SLCO6A1: variants seen among roughly 807,000 people sequenced by gnomAD.
SLCO6A1 encodes the protein solute carrier organic anion transporter family member 6A1.
In SLCO6A1, 65 loss-of-function variants were observed where a neutral mutation model predicts 72.7. That is an observed-to-expected ratio of 0.89 (90% CI 0.73 to 1.10). The LOEUF is 1.10. SLCO6A1 is among the 50% of genes least tolerant of loss of function. The pLI is 0.00. For synonymous variants in SLCO6A1, 314 were observed against 298.2 expected (o/e 1.05, Z -0.55); for missense variants, 874 against 872.6 (o/e 1.00, Z -0.02).
At chr5:102,470,332 T>C (rs1302765257) in intron 4 of SLCO6A1, among the ~76,000 whole-genome samples, 1 of 152,188 alleles carries the variant, frequency 6.6e-6, no homozygotes. Context: ...TGCCTCGATT[T>C]CAGAACCTGT....
At chr5:102,478,598 T>C (rs1441384377) in intron 2 of SLCO6A1, among the ~76,000 whole-genome samples, 1 of 152,192 alleles carries the variant, frequency 6.6e-6, no homozygotes, top group East Asian at 1.9e-4. Context: ...TTTAATATCT[T>C]CCAGGTCACA....
At chr5:102,433,076 G>A (rs1749306228) in intron 7 of SLCO6A1, among the ~76,000 whole-genome samples, 1 of 152,052 alleles carries the variant, frequency 6.6e-6, no homozygotes. Context: ...GTTAATACTT[G>A]TGATTGCATT....
intron 1 of SLCO6A1, among the ~76,000 whole-genome samples, chr5:102,488,003 T>C (rs1752516973): frequency 6.6e-6 from 1 of 152,070 alleles, no homozygotes; most frequent in African/African-American, 2.4e-5. Context: ...ATAATAATAC[T>C]TAGCAAAAAG....
intron 1 of SLCO6A1, among the ~76,000 whole-genome samples, chr5:102,490,385 A>G (rs541390977): frequency 3.3e-5 from 5 of 152,368 alleles, no homozygotes; most frequent in African/African-American, 1.2e-4. Flanking sequence ...ATTATATGTC[A>G]ATTAAAAAAT....
rs150817361 is a variant in SLCO6A1, at chr5:102,453,664, T to C, written c.1131+4718A>G. Among the ~76,000 whole-genome samples the C allele has an allele frequency of 2.1e-3, 318 of 152,326 alleles. 3 individuals are homozygous for C. The highest frequency in any genetic ancestry group is 7.3e-3 in the African/African-American group (302 of 41,580). On this transcript the variant is annotated intron_variant, in intron 6 of 13. Transcript: ENST00000506729. The stretch of plus-strand genomic sequence containing the variant: ...TTTTCAGGACTAATTAAATAAATTC[T>C]ATCTTCCTAGGAGTATGCAGCCACT...
chr5:102,457,468 A>G (rs1750789346), intron 6 of SLCO6A1, among the ~76,000 whole-genome samples: 1 of 152,186 alleles, frequency 6.6e-6, no homozygotes, highest in Admixed American at 6.5e-5. Flanking sequence ...TCTCAAAAAA[A>G]GATATTTATG....
chr5:102,443,440 T>C (rs1173766781), intron 6 of SLCO6A1, among the ~76,000 whole-genome samples: 1 of 152,146 alleles, frequency 6.6e-6, no homozygotes, highest in Non-Finnish European at 1.5e-5. Context: ...TATTCATACT[T>C]TCCCCCAAAA....
chr5:102,466,896 C>A (rs767023025), intron 4 of SLCO6A1, among the ~76,000 whole-genome samples: 2 of 150,836 alleles, frequency 1.3e-5, no homozygotes, highest in South Asian at 2.2e-4. Flanking sequence ...AATTTATATT[C>A]CTTATAGATG....
At chr5:102,461,533 T>G (rs1751037899) in intron 4 of SLCO6A1, among the ~76,000 whole-genome samples, 1 of 152,140 alleles carries the variant, frequency 6.6e-6, no homozygotes, top group Non-Finnish European at 1.5e-5. Context: ...AAAGCTTTAG[T>G]AACTAAAATA....
At position 102,459,698 on chromosome 5, in the gene SLCO6A1, A is replaced by C. The variant is rs761606130; in HGVS notation, c.979T>G (p.Cys327Gly). The change falls in exon 5 of 14, where the codon TGT becomes GGT. Residue 327 changes from cysteine to glycine, a missense_variant. Coordinates refer to ENST00000506729, the MANE Select transcript of SLCO6A1 (RefSeq NM_173488.5). ...NFLFAAVVAW[C>G]TLIPLSCFPN... ...AAGCATGACAATGGTATTAATGTAC[A>C]CCATGCAACGACAGCGGCAAAAAGA... The C allele has an allele frequency of 2.5e-6, 4 of 1,610,424 alleles. No individual in the cohort carries two copies. The East Asian group carries it at 6.7e-5, about 27-fold the overall frequency.
Position 102,498,686 on chromosome 5 carries a change from T to A in SLCO6A1, c.159A>T (p.Leu53=), listed in dbSNP as rs2112883245. Residue 53 remains leucine (L), a synonymous_variant, in exon 1 of 14, where the codon CTA becomes CTT. Coordinates refer to ENST00000506729, the MANE Select transcript of SLCO6A1 (RefSeq NM_173488.5). ...KPGKKHRYLR[L]LPEALIRFGG... is the part of the protein sequence containing the mutation. ...CGAACCTTATCAAGGCCTCTGGAAG[T>A]AGTCTCAGATACCGGTGTTTTTTCC... is the stretch of plus-strand genomic sequence containing the variant. 2 of 1,614,206 alleles carry A rather than the reference T, an allele frequency of 1.2e-6. No homozygotes were observed. The highest frequency in any genetic ancestry group is 2.2e-5 in the South Asian group (2 of 91,088).
intron 7 of SLCO6A1, among the ~76,000 whole-genome samples, chr5:102,432,442 T>C (rs896737433): frequency 6.6e-6 from 1 of 152,194 alleles, no homozygotes; most frequent in Non-Finnish European, 1.5e-5. Flanking sequence ...GGTAAAAAAT[T>C]CCCTCATAAT....
At chr5:102,443,129 G>A (rs1468902858) in intron 6 of SLCO6A1, among the ~76,000 whole-genome samples, 5 of 152,078 alleles carry the variant, frequency 3.3e-5, no homozygotes, top group Admixed American at 2.6e-4. Context: ...CCTGGAAGGC[G>A]GAGCTTGCAA....
chr5:102,454,304 T>G lies in SLCO6A1; in HGVS notation c.1131+4078A>C, dbSNP rs117051341. Among the ~76,000 whole-genome samples, 122 of 152,306 alleles carry G rather than the reference T, an allele frequency of 8.0e-4. 3 individuals are homozygous for G. In the East Asian group the frequency reaches 0.022, roughly 28 times the overall value. Reference sequence around the variant, plus strand: ...AAAGACAATGGATGCAGTCCCAAATTTAAATGCCACAGACCCTACTCTTCT... The same window carrying G: ...AAAGACAATGGATGCAGTCCCAAATGTAAATGCCACAGACCCTACTCTTCT... On this transcript the variant is annotated intron_variant, in intron 6 of 13. Transcript: ENST00000506729.
intron 12 of SLCO6A1, among the ~76,000 whole-genome samples, chr5:102,374,682 A>G (rs1580309359): frequency 6.6e-6 from 1 of 152,340 alleles, no homozygotes; most frequent in Non-Finnish European, 1.5e-5. Context: ...AGGGAAAAAT[A>G]CCATTTTTAA....
At chr5:102,453,254 G>C (rs568050382) in intron 6 of SLCO6A1, among the ~76,000 whole-genome samples, 23 of 151,812 alleles carry the variant, frequency 1.5e-4, no homozygotes, top group Non-Finnish European at 2.9e-4. Context: ...AGCTACTCAG[G>C]GGGGCTGAGG....
At chr5:102,420,506 G>T (rs537749283) in intron 7 of SLCO6A1, among the ~76,000 whole-genome samples, 1 of 152,184 alleles carries the variant, frequency 6.6e-6, no homozygotes, top group South Asian at 2.1e-4. Flanking sequence ...TGGGACTCTA[G>T]AAGAGCCATT....
intron 4 of SLCO6A1, among the ~76,000 whole-genome samples, chr5:102,463,615 G>A (rs543750783): frequency 1.1e-4 from 17 of 152,132 alleles, no homozygotes; most frequent in Admixed American, 2.0e-4. Context: ...GGCCGGGCAC[G>A]GTGGCTCATG....
rs971345079 is a variant in SLCO6A1, at chr5:102,458,497, T to C, written c.1022-6A>G. ...AGCTTTTATCCGTGTTGAACCTATA[T>C]ATAAACAAGTAAAAAAACTTATGAC... is the stretch of plus-strand genomic sequence containing the variant. On this transcript the variant is annotated splice_polypyrimidine_tract_variant and splice_region_variant and intron_variant, in intron 5 of 13. Transcript: ENST00000506729. 4 of 1,591,844 alleles carry C rather than the reference T, an allele frequency of 2.5e-6. No homozygotes were observed. Among genetic ancestry groups the C allele is most frequent in the East Asian group, 2.2e-5 (1 of 44,624 alleles).
Sources: gnomAD v4.1 joint callset for allele counts (sites outside exome capture counted in the v4.1 genomes callset) on GRCh38, gnomAD v4.1.1 for gene constraint, MANE v1.5 for transcripts, NCBI Gene and HGNC (gene_info 2026-07-23, HGNC 2026-07-21) for gene names.